The following PLCB4 variants were observed in gnomAD, a reference collection of about 807,000 sequenced individuals.
PLCB4 encodes the protein 1-phosphatidylinositol 4,5-bisphosphate phosphodiesterase beta-4.
Under a neutral mutation model 178.8 loss-of-function variants are expected in PLCB4, and 77 were observed. That is an observed-to-expected ratio of 0.43 (90% CI 0.36 to 0.52). The LOEUF (loss-of-function observed/expected upper bound fraction) is 0.52, where lower values mean the gene tolerates loss of function less well. Ranked by LOEUF, PLCB4 falls within the 20% of genes least tolerant of loss-of-function variation. The probability of loss-of-function intolerance (pLI) is 0.00; values close to 1 mark genes in which losing one functional copy is unlikely to be tolerated. For missense variants in PLCB4, 1,024 were observed against 1,453.4 expected (o/e 0.70, Z 4.80); for synonymous variants, 496 against 490.8 (o/e 1.01, Z -0.14).
Position 9,453,378 on chromosome 20 carries a change from C to A in PLCB4, c.2912C>A (p.Thr971Lys), listed in dbSNP as rs756285034. Residue 971 changes from threonine (T) to lysine (K), a missense_variant, in exon 33 of 40, where the codon ACG (threonine) becomes AAG (lysine). By Grantham distance (78) the Thr-to-Lys change is moderately conservative. Around this residue, in one of 7 missense-constraint regions of PLCB4, gnomAD observed 264 missense variants for 283.2 expected, o/e 0.93. Transcript: ENST00000378473. ...EHSTMQKLHC[T>K]QVDKIVAQYD... is the part of the protein sequence containing the mutation. ...AGTACCATGCAGAAGTTACACTGCA[C>A]GCAAGTTGACAAAATTGTGGCACAG... is the stretch of plus-strand genomic sequence containing the variant. 6.2e-7 allele frequency: 1 copy of A among 1,611,876 alleles called. No homozygotes were observed. Among genetic ancestry groups the A allele is most frequent in the Admixed American group, 1.7e-5 (1 of 59,940 alleles).
chr20:9,380,672 C>T (rs2037067721), intron 13 of PLCB4, among the ~76,000 whole-genome samples: 4 of 152,124 alleles, frequency 2.6e-5, no homozygotes, highest in Admixed American at 2.6e-4. Context: ...ATTGCTGGAC[C>T]TTTGTCCCTT....
Position 9,362,949 on chromosome 20 carries a change from C to G in PLCB4, c.423C>G (p.Val141=), listed in dbSNP as rs772678443. 1.2e-6 allele frequency: 2 copies of G among 1,612,254 alleles called. No individual in the cohort carries two copies. The highest frequency in any genetic ancestry group is 1.1e-5 in the South Asian group (1 of 90,958). Residue 141 remains valine, a synonymous_variant, in exon 8 of 40, where the codon GTC becomes GTG. Transcript: ENST00000378473. ...TACACAACTTCAGGGCCAACAACGT[C>G]AGTCCAATGACATGCCTCAAGAAAC... is the stretch of plus-strand genomic sequence containing the variant. ...SIIHNFRANN[V]SPMTCLKKHW... is the part of the protein sequence containing the mutation.
chr20:9,127,587 G>A (rs2092149629), intron 2 of PLCB4, among the ~76,000 whole-genome samples: 1 of 152,072 alleles, frequency 6.6e-6, no homozygotes, highest in East Asian at 1.9e-4. Context: ...CACTTCAGGT[G>A]CCCTGCCCAT....
chr20:9,303,370 T>C (rs1478501415), intron 3 of PLCB4, among the ~76,000 whole-genome samples: 1 of 152,212 alleles, frequency 6.6e-6, no homozygotes, highest in Non-Finnish European at 1.5e-5. Context: ...TGGTAACCAC[T>C]GTTCTGCTCT....
At chr20:9,107,425 C>G (rs2091407054) in intron 2 of PLCB4, among the ~76,000 whole-genome samples, 1 of 152,088 alleles carries the variant, frequency 6.6e-6, no homozygotes, top group Non-Finnish European at 1.5e-5. Flanking sequence ...AAAAGATTAA[C>G]AGGGAAGCCT....
intron 3 of PLCB4, among the ~76,000 whole-genome samples, chr20:9,227,612 G>T (rs1014383607): frequency 3.3e-5 from 5 of 152,174 alleles, no homozygotes; most frequent in Non-Finnish European, 7.4e-5. Context: ...TGGCACCCTT[G>T]TCAGGAGTCT....
intron 7 of PLCB4, among the ~76,000 whole-genome samples, chr20:9,352,656 G>A (rs1380198066): frequency 6.6e-6 from 1 of 152,172 alleles, no homozygotes; most frequent in Non-Finnish European, 1.5e-5. Flanking sequence ...TTTTGTCTAG[G>A]AATGTATAAA....
At chr20:9,085,258 C>T (rs6086765) in intron 1 of PLCB4, among the ~76,000 whole-genome samples, 73,961 of 151,820 alleles carry the variant, frequency 0.49, 18,510 homozygotes, top group Middle Eastern at 0.57. Context: ...TTCTCCTTTA[C>T]ATATGTGCGT....
At chr20:9,446,922 C>T (rs1028564758) in intron 32 of PLCB4, among the ~76,000 whole-genome samples, 2 of 152,132 alleles carry the variant, frequency 1.3e-5, no homozygotes, top group African/African-American at 4.8e-5. Context: ...ACAACAAAAA[C>T]ATGTTGTCTT....
chr20:9,327,714 T>C (rs1324054513), intron 4 of PLCB4, among the ~76,000 whole-genome samples: 2 of 151,762 alleles, frequency 1.3e-5, no homozygotes, highest in Admixed American at 6.6e-5. Flanking sequence ...AGGCAGAGGT[T>C]GCAGTGAGCT....
intron 1 of PLCB4, among the ~76,000 whole-genome samples, chr20:9,069,983 A>C (rs1251137465): frequency 1.3e-5 from 2 of 152,166 alleles, no homozygotes; most frequent in Admixed American, 1.3e-4. Flanking sequence ...TTGTTCTAAA[A>C]CATGTATTTG....
intron 1 of PLCB4, among the ~76,000 whole-genome samples, chr20:9,082,427 A>G (rs1200165698): frequency 3.9e-5 from 6 of 152,202 alleles, no homozygotes; most frequent in African/African-American, 1.4e-4. Context: ...TGTCTTTGAC[A>G]GTCTTCACCA....
chr20:9,231,526 G>A (rs928034723), intron 3 of PLCB4, among the ~76,000 whole-genome samples: 7 of 152,082 alleles, frequency 4.6e-5, no homozygotes, highest in Admixed American at 2.0e-4. Flanking sequence ...ATTAGTTCAG[G>A]TGTTATATAA....
At chr20:9,189,709 A>C (rs1323857411) in intron 2 of PLCB4, among the ~76,000 whole-genome samples, 1 of 152,186 alleles carries the variant, frequency 6.6e-6, no homozygotes, top group East Asian at 1.9e-4. Context: ...AGGTGCCAGT[A>C]GACTAAGTGT....
At chr20:9,416,561 AG>A (rs1602526263) in intron 25 of PLCB4, among the ~76,000 whole-genome samples, 1 of 152,172 alleles carries the variant, frequency 6.6e-6, no homozygotes, top group South Asian at 2.1e-4. Context: ...TCGGAGATGC[AG>A]GCGTAGTATT....
At chr20:9,338,868 T>A in intron 6 of PLCB4, 26 bp from the exon 7 acceptor site, 1 of 1,589,970 alleles carries the variant, frequency 6.3e-7, no homozygotes, top group Non-Finnish European at 8.6e-7. Flanking sequence ...ACTTATTTTT[T>A]TTTCTATCTG....
intron 3 of PLCB4, among the ~76,000 whole-genome samples, chr20:9,255,107 A>G (rs1266792097): frequency 2.0e-5 from 3 of 152,216 alleles, no homozygotes; most frequent in Non-Finnish European, 2.9e-5. Context: ...ATCCAATACT[A>G]TAGATAAGAC....
At chr20:9,210,515 G>T (rs1042742394) in intron 2 of PLCB4, among the ~76,000 whole-genome samples, 1 of 152,142 alleles carries the variant, frequency 6.6e-6, no homozygotes, top group South Asian at 2.1e-4. Context: ...TGCTCTGGAG[G>T]GCGGGGGCTG....
At chr20:9,325,956 G>C (rs1050423021) in intron 4 of PLCB4, among the ~76,000 whole-genome samples, 1 of 152,118 alleles carries the variant, frequency 6.6e-6, no homozygotes, top group African/African-American at 2.4e-5. Flanking sequence ...TGGTAGATTC[G>C]GTGTCTGATA....
Sources: allele counts gnomAD v4.1 joint callset (sites outside exome capture counted in the v4.1 genomes callset), GRCh38; gene constraint gnomAD v4.1.1; regional missense constraint gnomAD v4.1.1; transcripts MANE v1.5; gene names NCBI Gene and HGNC (gene_info 2026-07-23, HGNC 2026-07-21).